The following LIMD1 variants were observed in gnomAD, a reference collection of about 807,000 sequenced individuals.
LIMD1 encodes the protein LIM domain-containing protein 1.
LIMD1 carries 23 observed loss-of-function variants against 58.4 expected under a neutral mutation model. The observed-to-expected ratio is 0.39, with a 90% CI of 0.28 to 0.56. The LOEUF (loss-of-function observed/expected upper bound fraction) is 0.56, where lower values mean the gene tolerates loss of function less well. LIMD1 is among the 20% of genes least tolerant of loss of function. The pLI is 0.57. For synonymous variants in LIMD1, 334 were observed against 345.5 expected, an observed-to-expected ratio of 0.97 and a Z score of 0.37; for missense variants, 838 against 855.5, an observed-to-expected ratio of 0.98 and a Z score of 0.25.
intron 2 of LIMD1, 56 bp from the exon 3 acceptor site, chr3:45,665,594 C>A: frequency 7.1e-7 from 1 of 1,399,226 alleles, no homozygotes; most frequent in South Asian, 1.2e-5. Flanking sequence ...TTCACTTTTT[C>A]CACTGCATAT....
intron 6 of LIMD1, 77 bp downstream of exon 6, chr3:45,673,582 T>C (rs756415907): frequency 8.5e-6 from 10 of 1,170,578 alleles, no homozygotes; most frequent in Non-Finnish European, 1.0e-5. Context: ...ACAAGATCCA[T>C]GTCCTGTCCT....
At chr3:45,605,201 A>G (rs903098453) in intron 1 of LIMD1, among the ~76,000 whole-genome samples, 2 of 152,250 alleles carry the variant, frequency 1.3e-5, no homozygotes, top group Non-Finnish European at 1.5e-5. Flanking sequence ...AGGTATAACT[A>G]GATGCCTGGG....
chr3:45,596,252 G>A lies in LIMD1; in HGVS notation c.1373G>A (p.Arg458Gln), dbSNP rs755423145. 8.1e-6 allele frequency: 13 copies of A among 1,610,460 alleles called. No individual in the cohort carries two copies. Among genetic ancestry groups the A allele is most frequent in the Middle Eastern group, 1.6e-4 (1 of 6,062 alleles). Residue 458 changes from arginine (R) to glutamine (Q), a missense_variant, in exon 1 of 8, where the codon CGA (arginine) becomes CAA (glutamine). This residue lies in a region of LIMD1 where 659 missense variants were observed against 639.8 expected (regional missense o/e 1.03). Coordinates refer to ENST00000273317, the MANE Select transcript of LIMD1 (RefSeq NM_014240.3). ...KLEALTQRLE[R>Q]EMDAHPKADY... ...GAAGCCCTCACCCAACGTCTGGAGC[G>A]AGAGATGGATGCTCACCCGAAGGCT...
chr3:45,644,509 C>T (rs1322875414), intron 2 of LIMD1, among the ~76,000 whole-genome samples: 1 of 152,166 alleles, frequency 6.6e-6, no homozygotes, highest in East Asian at 1.9e-4. Flanking sequence ...CACCGCATAA[C>T]CCTCCTCCAC....
chr3:45,609,984 G>C (rs1030659052), intron 1 of LIMD1, among the ~76,000 whole-genome samples: 2 of 152,182 alleles, frequency 1.3e-5, no homozygotes, highest in African/African-American at 4.8e-5. Context: ...ACAAGGTCAG[G>C]AGATCGAGAC....
At chr3:45,598,439 C>G (rs1279502056) in intron 1 of LIMD1, among the ~76,000 whole-genome samples, 1 of 152,164 alleles carries the variant, frequency 6.6e-6, no homozygotes, top group Non-Finnish European at 1.5e-5. Context: ...TCTTGAGATG[C>G]AAGTTTATGC....
At chr3:45,634,749 G>A (rs1256819574) in intron 1 of LIMD1, among the ~76,000 whole-genome samples, 1 of 152,168 alleles carries the variant, frequency 6.6e-6, no homozygotes, top group Non-Finnish European at 1.5e-5. Flanking sequence ...TGTAGTTGAG[G>A]CATGTTAACT....
intron 1 of LIMD1, among the ~76,000 whole-genome samples, chr3:45,607,780 A>G (rs1701481705): frequency 6.6e-6 from 1 of 152,176 alleles, no homozygotes; most frequent in East Asian, 1.9e-4. Context: ...GTAAAGCAGG[A>G]GCAGATTTGC....
At chr3:45,668,452 T>C (rs1209292504) in intron 4 of LIMD1, 96 bp downstream of exon 4, 2 of 1,009,242 alleles carry the variant, frequency 2.0e-6, no homozygotes, top group South Asian at 1.4e-5. Context: ...GTGTTTCTTA[T>C]CTTGATTTGT....
At chr3:45,600,748 G>A (rs532918113) in intron 1 of LIMD1, among the ~76,000 whole-genome samples, 1 of 152,244 alleles carries the variant, frequency 6.6e-6, no homozygotes, top group African/African-American at 2.4e-5. Context: ...CCTCACACTG[G>A]TCCTCTTCTC....
chr3:45,656,085 T>A (rs1702024039), intron 2 of LIMD1, among the ~76,000 whole-genome samples: 1 of 152,132 alleles, frequency 6.6e-6, no homozygotes, highest in South Asian at 2.1e-4. Flanking sequence ...TGTAGTTAGT[T>A]CCCTTTCCAC....
At chr3:45,614,463 T>A (rs1352659775) in intron 1 of LIMD1, among the ~76,000 whole-genome samples, 3 of 150,646 alleles carry the variant, frequency 2.0e-5, no homozygotes, top group Non-Finnish European at 4.4e-5. Context: ...GTTCACGCAC[T>A]TTGTAATCCC....
At chr3:45,634,919 C>A (rs967107786) in intron 1 of LIMD1, 1 of 152,168 alleles carries the variant, frequency 6.6e-6, no homozygotes, top group Non-Finnish European at 1.5e-5. Context: ...GTGGGAGGCT[C>A]AAGGTTAGAA....
At chr3:45,671,453 G>A (rs566335052) in intron 4 of LIMD1, among the ~76,000 whole-genome samples, 4 of 152,300 alleles carry the variant, frequency 2.6e-5, no homozygotes, top group East Asian at 3.9e-4. Context: ...GCTGATGACC[G>A]TTCTGTACAT....
At chr3:45,632,633 C>A in intron 1 of LIMD1, 2 of 767,936 alleles carry the variant, frequency 2.6e-6, no homozygotes, top group Non-Finnish European at 3.2e-6. Flanking sequence ...TCCTTGAGCA[C>A]TTGCGGAGGC....
intron 1 of LIMD1, among the ~76,000 whole-genome samples, chr3:45,624,243 T>C (rs999220394): frequency 1.3e-5 from 2 of 152,104 alleles, no homozygotes; most frequent in South Asian, 4.1e-4. Context: ...CAGTAGGTGG[T>C]TCATAGCTAT....
At chr3:45,652,392 C>T (rs987331431) in intron 2 of LIMD1, among the ~76,000 whole-genome samples, 9 of 152,126 alleles carry the variant, frequency 5.9e-5, no homozygotes, top group Admixed American at 3.3e-4. Context: ...TGTGTCTGAT[C>T]GGGGTTGATT....
intron 1 of LIMD1, among the ~76,000 whole-genome samples, chr3:45,629,412 C>CAAAAAA (rs57306025): frequency 2.1e-4 from 20 of 97,394 alleles, no homozygotes; most frequent in East Asian, 5.2e-4. Context: ...ACTCTTGTCT[C>CAAAAAA]AAAAAAAAAA....
At chr3:45,653,353 G>A (rs918629340) in intron 2 of LIMD1, among the ~76,000 whole-genome samples, 5 of 152,188 alleles carry the variant, frequency 3.3e-5, no homozygotes, top group Non-Finnish European at 5.9e-5. Flanking sequence ...GGTATGAGGT[G>A]CACTGGGCTG....
Sources: allele counts gnomAD v4.1 joint callset (sites outside exome capture counted in the v4.1 genomes callset), GRCh38; gene constraint gnomAD v4.1.1; regional missense constraint gnomAD v4.1.1; transcripts MANE v1.5; gene names NCBI Gene and HGNC (gene_info 2026-07-23, HGNC 2026-07-21).